DOCK10: variants seen among roughly 807,000 people sequenced by gnomAD.
DOCK10 encodes dedicator of cytokinesis protein 10.
DOCK10 carries 145 observed loss-of-function variants against 280.1 expected under a neutral mutation model. The ratio of observed to expected loss-of-function variants is 0.52; its 90% CI spans 0.45 to 0.59. The LOEUF is 0.59. Among genes scored for constraint, DOCK10 ranks in the 20% least tolerant of loss-of-function variants. The probability of loss-of-function intolerance (pLI) is 0.00; values close to 1 mark genes in which losing one functional copy is unlikely to be tolerated. For synonymous variants in DOCK10, 915 were observed against 942.2 expected (o/e 0.97, Z 0.53); for missense variants, 2,368 against 2,651.7 (o/e 0.89, Z 2.35).
At chr2:224,832,409 CA>C (rs1695296261) in intron 26 of DOCK10, among the ~76,000 whole-genome samples, 1 of 152,152 alleles carries the variant, frequency 6.6e-6, no homozygotes, top group Admixed American at 6.5e-5. Flanking sequence ...GCTCTACTGT[CA>C]ATGGGCATTT....
chr2:224,972,653 T>C (rs1314775292), intron 1 of DOCK10, among the ~76,000 whole-genome samples: 1 of 152,176 alleles, frequency 6.6e-6, no homozygotes, highest in African/African-American at 2.4e-5. Flanking sequence ...TAAAATGCAT[T>C]CTCTCTCACC....
chr2:224,926,305 T>C (rs9288594), intron 2 of DOCK10, among the ~76,000 whole-genome samples: 35,124 of 152,200 alleles, frequency 0.23, 4,546 homozygotes, highest in Non-Finnish European at 0.28. Context: ...TGAATGCCTA[T>C]GAATCAGACA....
At chr2:225,011,733 C>T (rs1293311458) in intron 1 of DOCK10, among the ~76,000 whole-genome samples, 1 of 152,144 alleles carries the variant, frequency 6.6e-6, no homozygotes, top group African/African-American at 2.4e-5. Flanking sequence ...TGGCTTCCAG[C>T]AGGGAGGCCA....
intron 1 of DOCK10, among the ~76,000 whole-genome samples, chr2:224,986,882 G>A (rs1705989136): frequency 1.3e-5 from 2 of 152,170 alleles, no homozygotes; most frequent in South Asian, 4.1e-4. Flanking sequence ...TATTCTAACA[G>A]TGAAGCCTCA....
intron 43 of DOCK10, 143 bp from the exon 44 acceptor site, chr2:224,796,569 G>A (rs72970961): frequency 0.058 from 33,441 of 579,564 alleles, 1,154 homozygotes; most frequent in South Asian, 0.096. Context: ...GCTCCAGAAC[G>A]TATTATTAAA....
At chr2:224,957,283 C>CCT (rs1466224810) in intron 1 of DOCK10, among the ~76,000 whole-genome samples, 2 of 91,700 alleles carry the variant, frequency 2.2e-5, no homozygotes, top group Non-Finnish European at 5.0e-5. Flanking sequence ...TTTTTACTTT[C>CCT]CGCCCCCCCC....
chr2:224,804,738 C>T (rs1416100053), intron 38 of DOCK10, 56 bp downstream of exon 38: 5 of 1,128,324 alleles, frequency 4.4e-6, no homozygotes, highest in Non-Finnish European at 1.3e-6. Flanking sequence ...CACATTAATA[C>T]ATGTCATATG....
At position 224,892,741 on chromosome 2, in the gene DOCK10, C is replaced by T. The variant is rs369347940; in HGVS notation, c.416+3554G>A. Among the ~76,000 whole-genome samples the T allele has an allele frequency of 7.2e-5, 11 of 152,352 alleles. 1 individual carries two copies. In the South Asian group the frequency reaches 2.3e-3, roughly 32 times the overall value. On this transcript the variant is annotated intron_variant, in intron 4 of 55. Coordinates refer to ENST00000258390, the MANE Select transcript of DOCK10 (RefSeq NM_014689.3). ...GCGGGAGGGAGGCCTGTCCAATGCC[C>T]TTGGGCAGGGAAGGCAGACAGTGCT...
intron 7 of DOCK10, among the ~76,000 whole-genome samples, chr2:224,884,885 G>T (rs1699187457): frequency 6.6e-6 from 1 of 152,072 alleles, no homozygotes; most frequent in African/African-American, 2.4e-5. Context: ...ATTATCTCAG[G>T]GGTTCTCTAC....
intron 4 of DOCK10, chr2:224,893,259 A>G (rs1699805069): frequency 6.5e-6 from 1 of 154,712 alleles, no homozygotes; most frequent in East Asian, 1.9e-4. Context: ...AAATGAGATA[A>G]TGCATGTATG....
At chr2:224,813,011 T>G (rs1693887520) in intron 31 of DOCK10, among the ~76,000 whole-genome samples, 1 of 152,204 alleles carries the variant, frequency 6.6e-6, no homozygotes, top group Non-Finnish European at 1.5e-5. Context: ...TAAAATGAGT[T>G]AGGGAGGATT....
intron 1 of DOCK10, among the ~76,000 whole-genome samples, chr2:225,013,341 C>T (rs978498237): frequency 6.6e-6 from 1 of 152,124 alleles, no homozygotes; most frequent in Non-Finnish European, 1.5e-5. Flanking sequence ...CCTGATCACT[C>T]AAAAGTACAT....
chr2:224,805,123 C>T lies in DOCK10; in HGVS notation c.4053G>A (p.Glu1351=), dbSNP rs780530069. The T allele has an allele frequency of 4.3e-6, 7 of 1,610,526 alleles. No homozygotes were observed. The highest frequency in any genetic ancestry group is 1.7e-6 in the Non-Finnish European group (2 of 1,178,774). ...CTCTCTGCCAGTAGGCAATCAGAGTCTCTAAAAGGAAACACCAGGTAGTAT... is the reference window on the plus strand; with the variant it reads ...CTCTCTGCCAGTAGGCAATCAGAGTTTCTAAAAGGAAACACCAGGTAGTAT... ...FLHIMKTISY[E]TLIAYWQRAP... is the part of the protein sequence containing the mutation. Residue 1351 remains glutamate (E), a splice_region_variant and synonymous_variant, in exon 37 of 56, where the codon GAG becomes GAA. Transcript: ENST00000258390. This position sits in a 1 kb window ranked among gnomAD's most constrained non-coding sequence, Gnocchi z 4.3.
At chr2:224,969,248 T>C (rs1476670065) in intron 1 of DOCK10, among the ~76,000 whole-genome samples, 2 of 152,154 alleles carry the variant, frequency 1.3e-5, no homozygotes, top group African/African-American at 2.4e-5. Context: ...AATCCTAACG[T>C]TTCTCCTTTC....
At chr2:224,773,443 G>T in intron 52 of DOCK10, 96 bp from the exon 53 acceptor site, 1 of 1,078,368 alleles carries the variant, frequency 9.3e-7, no homozygotes, top group Non-Finnish European at 1.3e-6. Flanking sequence ...TCATTTCACG[G>T]CACATGGCAC....
chr2:224,856,838 C>G (rs542019243), intron 15 of DOCK10, 22 bp downstream of exon 15: 1 of 1,579,576 alleles, frequency 6.3e-7, no homozygotes, highest in East Asian at 2.3e-5. Flanking sequence ...ATGTTAATTT[C>G]GAGAGTATAA....
chr2:225,011,974 A>G (rs756191200), intron 1 of DOCK10, among the ~76,000 whole-genome samples: 7 of 152,172 alleles, frequency 4.6e-5, no homozygotes, highest in Non-Finnish European at 7.3e-5. Context: ...AAGAAGAAAA[A>G]TAAGCCTTCT....
intron 1 of DOCK10, among the ~76,000 whole-genome samples, chr2:224,949,129 G>A (rs1159142230): frequency 6.6e-6 from 1 of 152,226 alleles, no homozygotes; most frequent in Non-Finnish European, 1.5e-5. Context: ...AGCATGGCAT[G>A]GAGTGTTCCA....
At chr2:224,945,208 G>T (rs1291365045) in intron 1 of DOCK10, among the ~76,000 whole-genome samples, 1 of 152,102 alleles carries the variant, frequency 6.6e-6, no homozygotes, top group Non-Finnish European at 1.5e-5. Flanking sequence ...ATGTTTTGGG[G>T]ACAAGACTCA....
Sources: gnomAD v4.1 joint callset for allele counts (sites outside exome capture counted in the v4.1 genomes callset) on GRCh38, gnomAD v4.1.1 for gene constraint, Gnocchi (gnomAD v3.1) non-coding constraint, MANE v1.5 for transcripts, NCBI Gene and HGNC (gene_info 2026-07-23, HGNC 2026-07-21) for gene names.